Variants in CADM2 observed in about 807,000 individuals in gnomAD.
CADM2 encodes the protein immunoglobulin superfamily member 4D.
CADM2 carries 12 observed loss-of-function variants against 49.8 expected under a neutral mutation model. The observed-to-expected ratio is 0.24, with a 90% CI of 0.15 to 0.39. The LOEUF is 0.39. CADM2 is among the 10% of genes least tolerant of loss of function. The pLI is 1.00. For missense variants in CADM2, 378 were observed against 492.3 expected, an observed-to-expected ratio of 0.77 and a Z score of 2.20; for synonymous variants, 214 against 175.4, an observed-to-expected ratio of 1.22 and a Z score of -1.74.
chr3:85,793,541 T>G (rs954730598), intron 2 of CADM2, among the ~76,000 whole-genome samples: 1 of 152,182 alleles, frequency 6.6e-6, no homozygotes, highest in Non-Finnish European at 1.5e-5. Context: ...AGAAAATCAT[T>G]GAGCTGTGGT....
intron 1 of CADM2, among the ~76,000 whole-genome samples, chr3:85,043,702 T>C (rs2035537061): frequency 6.6e-6 from 1 of 151,696 alleles, no homozygotes; most frequent in South Asian, 2.1e-4. Flanking sequence ...AAATAAAAGG[T>C]CTGACAACTT....
chr3:85,786,733 C>G (rs2071011474), intron 2 of CADM2, among the ~76,000 whole-genome samples: 1 of 151,974 alleles, frequency 6.6e-6, no homozygotes, highest in Non-Finnish European at 1.5e-5. Flanking sequence ...TATCTTATGT[C>G]TGTCAGAGAA....
intron 1 of CADM2, among the ~76,000 whole-genome samples, chr3:85,528,644 A>G (rs1464117033): frequency 2.0e-5 from 3 of 152,218 alleles, no homozygotes; most frequent in Non-Finnish European, 4.4e-5. Context: ...ACTGCTGCAG[A>G]TAATACTAAT....
intron 2 of CADM2, among the ~76,000 whole-genome samples, chr3:85,727,219 T>C (rs1288393649): frequency 6.6e-6 from 1 of 152,154 alleles, no homozygotes; most frequent in Non-Finnish European, 1.5e-5. Flanking sequence ...TAGAGCAGTC[T>C]ACATATTTAA....
At chr3:85,634,079 T>A (rs1045974405) in intron 1 of CADM2, among the ~76,000 whole-genome samples, 2 of 151,980 alleles carry the variant, frequency 1.3e-5, no homozygotes, top group Admixed American at 1.3e-4. Context: ...CTTCCTTGCT[T>A]GCGACTGCTC....
intron 1 of CADM2, among the ~76,000 whole-genome samples, chr3:84,976,281 G>A (rs1385139430): frequency 6.6e-6 from 1 of 151,492 alleles, no homozygotes; most frequent in South Asian, 2.1e-4. Context: ...TGACATTTTG[G>A]TAGAGATACC....
chr3:85,689,894 G>C (rs748521077), intron 1 of CADM2, among the ~76,000 whole-genome samples: 1 of 152,172 alleles, frequency 6.6e-6, no homozygotes, highest in African/African-American at 2.4e-5. Flanking sequence ...GGAGTAGTAA[G>C]AAGTTTGGTA....
At chr3:85,237,508 G>GT (rs1231818409) in intron 1 of CADM2, among the ~76,000 whole-genome samples, 2 of 151,160 alleles carry the variant, frequency 1.3e-5, no homozygotes, top group African/African-American at 4.8e-5. Context: ...AACTTGATAA[G>GT]TTTTTTATAA....
At chr3:85,954,702 C>T (rs1192812306) in intron 7 of CADM2, among the ~76,000 whole-genome samples, 1 of 151,222 alleles carries the variant, frequency 6.6e-6, no homozygotes, top group Non-Finnish European at 1.5e-5. Context: ...ACTCAATAAA[C>T]TTTAAATCTT....
chr3:85,922,558 G>T (rs192472137), intron 6 of CADM2, among the ~76,000 whole-genome samples: 4 of 151,598 alleles, frequency 2.6e-5, no homozygotes, highest in Non-Finnish European at 5.9e-5. Flanking sequence ...CACAAATTGC[G>T]CAATAATTGG....
intron 2 of CADM2, among the ~76,000 whole-genome samples, chr3:85,778,716 C>A (rs73845660): frequency 0.051 from 7,725 of 152,092 alleles, 558 homozygotes; most frequent in African/African-American, 0.16. Context: ...ACACAATAAT[C>A]AACTTATCTT....
intron 8 of CADM2, among the ~76,000 whole-genome samples, chr3:85,990,890 C>T (rs2108702230): frequency 6.6e-6 from 1 of 152,242 alleles, no homozygotes; most frequent in African/African-American, 2.4e-5. Flanking sequence ...AAGTGTGGCA[C>T]ATTATGCCAA....
At chr3:85,789,717 A>T (rs2071213933) in intron 2 of CADM2, among the ~76,000 whole-genome samples, 2 of 152,158 alleles carry the variant, frequency 1.3e-5, no homozygotes, top group South Asian at 4.1e-4. Context: ...TTAAATATGG[A>T]TAAATTAATA....
At chr3:86,038,087 T>C (rs1342055929) in intron 8 of CADM2, among the ~76,000 whole-genome samples, 1 of 152,192 alleles carries the variant, frequency 6.6e-6, no homozygotes, top group Non-Finnish European at 1.5e-5. Flanking sequence ...ACATACAGTG[T>C]TTGACTTTCT....
intron 2 of CADM2, among the ~76,000 whole-genome samples, chr3:85,798,574 G>A (rs1315272805): frequency 1.3e-5 from 2 of 152,152 alleles, no homozygotes; most frequent in African/African-American, 4.8e-5. Flanking sequence ...AGATCAGATG[G>A]TTGTAGATGT....
chr3:85,958,998 C>T (rs562684903), intron 7 of CADM2, among the ~76,000 whole-genome samples: 7 of 151,456 alleles, frequency 4.6e-5, no homozygotes, highest in African/African-American at 1.7e-4. Context: ...GCATGTTCTA[C>T]ACATGTTTCG....
At chr3:85,588,032 G>C (rs748025809) in intron 1 of CADM2, among the ~76,000 whole-genome samples, 11 of 152,168 alleles carry the variant, frequency 7.2e-5, no homozygotes, top group Non-Finnish European at 1.2e-4. Context: ...TTTCCAAAAT[G>C]CTGGGATTAC....
intron 1 of CADM2, among the ~76,000 whole-genome samples, chr3:85,711,387 C>T (rs2067112865): frequency 6.6e-6 from 1 of 152,106 alleles, no homozygotes; most frequent in East Asian, 1.9e-4. Context: ...TGTCTGACTT[C>T]AGAGCTTCTT....
intron 1 of CADM2, among the ~76,000 whole-genome samples, chr3:85,493,844 C>T (rs1179834411): frequency 2.0e-5 from 3 of 152,142 alleles, no homozygotes. Context: ...AAGAACATCC[C>T]TGTGTGAGAT....
Sources: gnomAD v4.1 joint callset for allele counts (sites outside exome capture counted in the v4.1 genomes callset) on GRCh38, gnomAD v4.1.1 for gene constraint, MANE v1.5 for transcripts, NCBI Gene and HGNC (gene_info 2026-07-23, HGNC 2026-07-21) for gene names.